The following KIAA0232 variants were observed in gnomAD, a reference collection of about 807,000 sequenced individuals.
KIAA0232 encodes uncharacterized protein KIAA0232.
In KIAA0232, 27 loss-of-function variants were observed where a neutral mutation model predicts 122.0. That is an observed-to-expected ratio of 0.22 (90% confidence interval 0.16 to 0.31). KIAA0232 has a LOEUF of 0.31. Among genes scored for constraint, KIAA0232 ranks in the 10% least tolerant of loss-of-function variants. KIAA0232 has a pLI of 1.00. For missense variants in KIAA0232, 1,551 were observed against 1,634.2 expected (o/e 0.95, Z 0.88); for synonymous variants, 613 against 587.6 (o/e 1.04, Z -0.63).
intron 1 of KIAA0232, among the ~76,000 whole-genome samples, chr4:6,801,850 G>T (rs1717398737): frequency 6.6e-6 from 1 of 152,162 alleles, no homozygotes; most frequent in African/African-American, 2.4e-5. Flanking sequence ...ATCATTTTGT[G>T]CATGTGCTGA....
intron 2 of KIAA0232, among the ~76,000 whole-genome samples, chr4:6,822,569 A>T (rs984538478): frequency 6.6e-6 from 1 of 152,154 alleles, no homozygotes; most frequent in African/African-American, 2.4e-5. Context: ...CTTTCATTAC[A>T]TTAGTTTTCA....
intron 4 of KIAA0232, among the ~76,000 whole-genome samples, chr4:6,843,284 C>T (rs952451116): frequency 4.6e-5 from 7 of 152,240 alleles, no homozygotes; most frequent in Non-Finnish European, 8.8e-5. Flanking sequence ...TGATGCAAGG[C>T]GAAATTGAGT....
chr4:6,823,851 T>G (rs544849308), intron 2 of KIAA0232, among the ~76,000 whole-genome samples: 2 of 152,168 alleles, frequency 1.3e-5, no homozygotes, highest in African/African-American at 4.8e-5. Context: ...TAAAAATTTA[T>G]TTATAAAGAC....
chr4:6,830,124 T>C (rs1577379421), intron 3 of KIAA0232, among the ~76,000 whole-genome samples: 4 of 152,368 alleles, frequency 2.6e-5, no homozygotes, highest in East Asian at 3.9e-4. Context: ...ATATGTATCA[T>C]GTGCTGTGTG....
intron 1 of KIAA0232, among the ~76,000 whole-genome samples, chr4:6,783,708 T>G: frequency 1.3e-5 from 2 of 148,230 alleles, no homozygotes; most frequent in Non-Finnish European, 1.5e-5. Flanking sequence ...GGGGCGGGCC[T>G]GGCGGGCGGG....
intron 1 of KIAA0232, among the ~76,000 whole-genome samples, chr4:6,789,784 T>C (rs557354912): frequency 2.4e-4 from 37 of 152,268 alleles, no homozygotes; most frequent in Middle Eastern, 3.4e-3. Context: ...TCCAGCACTT[T>C]GGGAAAGCGA....
chr4:6,826,879 T>C (rs1019200105), intron 3 of KIAA0232, among the ~76,000 whole-genome samples: 1 of 152,210 alleles, frequency 6.6e-6, no homozygotes, highest in Non-Finnish European at 1.5e-5. Flanking sequence ...AATAAGATTA[T>C]AGTAATAACA....
chr4:6,814,409 T>C (rs1020177418), intron 2 of KIAA0232, among the ~76,000 whole-genome samples: 3 of 151,910 alleles, frequency 2.0e-5, no homozygotes, highest in African/African-American at 7.2e-5. Context: ...GTAAAGAAAT[T>C]GAGTATTTTG....
intron 1 of KIAA0232, among the ~76,000 whole-genome samples, chr4:6,799,274 A>G (rs998133127): frequency 6.7e-6 from 1 of 149,280 alleles, no homozygotes; most frequent in Non-Finnish European, 1.5e-5. Flanking sequence ...CTCTTATCCA[A>G]TTTAGGTGGC....
At chr4:6,804,065 A>G (rs1177573451) in intron 1 of KIAA0232, among the ~76,000 whole-genome samples, 2 of 152,220 alleles carry the variant, frequency 1.3e-5, no homozygotes. Context: ...TGAGAAATAT[A>G]TCTATTTTAT....
chr4:6,877,958 A>G (rs1721841845), intron 9 of KIAA0232, among the ~76,000 whole-genome samples: 1 of 152,236 alleles, frequency 6.6e-6, no homozygotes, highest in Admixed American at 6.5e-5. Context: ...AATAAAGACA[A>G]TAAGGTCATA....
At chr4:6,813,587 C>T (rs751933031) in intron 2 of KIAA0232, among the ~76,000 whole-genome samples, 40 of 152,178 alleles carry the variant, frequency 2.6e-4, no homozygotes, top group Non-Finnish European at 5.3e-4. Context: ...TGGTCTCGAT[C>T]TCCTGACCTT....
chr4:6,866,706 A>C (rs1721200464), intron 7 of KIAA0232, among the ~76,000 whole-genome samples: 1 of 152,224 alleles, frequency 6.6e-6, no homozygotes, highest in African/African-American at 2.4e-5. Flanking sequence ...GGTGTCTAAG[A>C]GCATGAAAAT....
chr4:6,864,046 G>C lies in KIAA0232; in HGVS notation c.3664G>C (p.Asp1222His), dbSNP rs1448278414. 27 of 1,614,184 alleles carry C rather than the reference G, an allele frequency of 1.7e-5. No individual in the cohort carries two copies. The highest frequency in any genetic ancestry group is 2.3e-5 in the Non-Finnish European group (27 of 1,180,020). Reference protein sequence around the residue: ...ECSMNESLEIDLESSEANCKI... With the variant: ...ECSMNESLEIHLESSEANCKI... ...TAGCATGAATGAATCCCTGGAAATAGATTTAGAAAGCTCAGAAGCAAATTG... is the reference window on the plus strand; with the variant it reads ...TAGCATGAATGAATCCCTGGAAATACATTTAGAAAGCTCAGAAGCAAATTG... Residue 1222 changes from aspartate to histidine, a missense_variant, in exon 7 of 10, where the codon GAT (aspartate) becomes CAT (histidine). Transcript: ENST00000307659.
At chr4:6,857,046 G>T (rs2108783715) in intron 4 of KIAA0232, 118 bp from the exon 5 acceptor site, 1 of 604,476 alleles carries the variant, frequency 1.7e-6, no homozygotes, top group East Asian at 3.1e-5. Flanking sequence ...ATATTGGTAA[G>T]ATATTTATTT....
rs1164504156 is a variant in KIAA0232, at chr4:6,862,751, C to T, written c.2369C>T (p.Ser790Phe). The T allele has an allele frequency of 1.2e-6, 2 of 1,612,858 alleles. No homozygotes were observed. The highest frequency in any genetic ancestry group is 8.5e-7 in the Non-Finnish European group (1 of 1,179,724). The change falls in exon 7 of 10, where the codon TCC becomes TTC. Residue 790 changes from serine to phenylalanine, a missense_variant. Around this residue, in one of 5 missense-constraint regions of KIAA0232, gnomAD observed 1,108 missense variants for 1,154.8 expected, o/e 0.96. Coordinates refer to ENST00000307659, the MANE Select transcript of KIAA0232 (RefSeq NM_014743.3). ...LVFKKTSKLE[S>F]VCGIQLEQKT... ...TTCAAAAAAACATCTAAACTAGAAT[C>T]CGTCTGTGGTATTCAGCTAGAACAA...
intron 2 of KIAA0232, among the ~76,000 whole-genome samples, chr4:6,822,588 T>G (rs1052963626): frequency 6.6e-6 from 1 of 152,146 alleles, no homozygotes; most frequent in Non-Finnish European, 1.5e-5. Context: ...CATTTTCTAG[T>G]GGTTTGTAAA....
intron 8 of KIAA0232, among the ~76,000 whole-genome samples, chr4:6,875,432 C>T (rs983809763): frequency 5.0e-4 from 76 of 152,230 alleles, no homozygotes; most frequent in African/African-American, 1.6e-3. Flanking sequence ...TCTCATGAAC[C>T]TCAACTAGTA....
chr4:6,865,414 C>G (rs1156903659), intron 7 of KIAA0232, among the ~76,000 whole-genome samples: 1 of 152,218 alleles, frequency 6.6e-6, no homozygotes, highest in Non-Finnish European at 1.5e-5. Flanking sequence ...ATTCTCCTGC[C>G]TCAGCCTCCC....
Sources: gnomAD v4.1 joint callset for allele counts (sites outside exome capture counted in the v4.1 genomes callset) on GRCh38, gnomAD v4.1.1 for gene constraint, gnomAD v4.1.1 regional missense constraint, MANE v1.5 for transcripts, NCBI Gene and HGNC (gene_info 2026-07-23, HGNC 2026-07-21) for gene names.